SETBP1: variants seen among roughly 807,000 people sequenced by gnomAD.
SETBP1 encodes the protein SET-binding protein.
Under a neutral mutation model 101.0 loss-of-function variants are expected in SETBP1, and 9 were observed. That is an observed-to-expected ratio of 0.09 (90% CI 0.05 to 0.16). The LOEUF is 0.16. Among genes scored for constraint, SETBP1 ranks in the 10% least tolerant of loss-of-function variants. The pLI is 1.00. For missense variants in SETBP1, 1,858 were observed against 2,033.8 expected, an observed-to-expected ratio of 0.91 and a Z score of 1.66; for synonymous variants, 818 against 788.5, an observed-to-expected ratio of 1.04 and a Z score of -0.63.
chr18:44,850,765 T>G (rs548747560), intron 2 of SETBP1, among the ~76,000 whole-genome samples: 2 of 152,356 alleles, frequency 1.3e-5, no homozygotes, highest in African/African-American at 4.8e-5. Flanking sequence ...CCTGGCTTCT[T>G]GGTTCCCCAA....
chr18:44,794,959 G>A (rs1356468603), intron 2 of SETBP1, among the ~76,000 whole-genome samples: 1 of 152,172 alleles, frequency 6.6e-6, no homozygotes, highest in Non-Finnish European at 1.5e-5. Context: ...ATGCGGTGGA[G>A]GATCAAGGCT....
At chr18:44,853,504 G>A (rs1222401713) in intron 2 of SETBP1, among the ~76,000 whole-genome samples, 1 of 152,118 alleles carries the variant, frequency 6.6e-6, no homozygotes, top group Non-Finnish European at 1.5e-5. Flanking sequence ...ATCCCTATGA[G>A]GTAGCTAATG....
At position 44,859,054 on chromosome 18, in the gene SETBP1, AGAAG is replaced by A. The variant is rs906531652; in HGVS notation, c.487-10161_487-10158del. 2.6e-5 allele frequency among the ~76,000 whole-genome samples: 4 copies of A among 151,194 alleles called. No homozygotes were observed. The East Asian group carries it at 5.9e-4, about 22-fold the overall frequency. Reference sequence around the variant, plus strand: ...AGGAAGGAAGAGAGGAAAGAAGGAAAGAAGGAAGGAAGGAAGGATTGGGGGAAGG... The same window carrying A: ...AGGAAGGAAGAGAGGAAAGAAGGAAAGAAGGAAGGAAGGATTGGGGGAAGG... On this transcript the variant is annotated intron_variant, in intron 2 of 5. Transcript: ENST00000649279.
At position 44,953,459 on chromosome 18, in the gene SETBP1, A is replaced by G. The variant is rs1446750683; in HGVS notation, c.4000+119A>G. 5 of 854,278 alleles carry G rather than the reference A, an allele frequency of 5.9e-6. No individual in the cohort carries two copies. The East Asian group carries it at 1.3e-4, about 23-fold the overall frequency. 52.9% of individuals were successfully genotyped at this position (854,278 alleles called of 1,614,324 possible). A position where few individuals can be genotyped will look rare whatever the true frequency, so the allele number is the denominator to read the frequency against. ...TTTGCAAAGAGGTGGGAATCAAATT[A>G]AAATGGGTCTCCTTGCACATTTGAG... On this transcript the variant is annotated intron_variant, in intron 4 of 5. Transcript: ENST00000649279.
chr18:45,027,532 A>T (rs1206109252), intron 4 of SETBP1, among the ~76,000 whole-genome samples: 2 of 152,218 alleles, frequency 1.3e-5, no homozygotes, highest in African/African-American at 4.8e-5. Flanking sequence ...TGCTAGCAAG[A>T]TATAGGAAAA....
intron 2 of SETBP1, among the ~76,000 whole-genome samples, chr18:44,745,055 G>A (rs1330476436): frequency 6.6e-6 from 1 of 152,134 alleles, no homozygotes; most frequent in African/African-American, 2.4e-5. Context: ...CCACGGAAGA[G>A]GCTCATTTCA....
chr18:45,015,286 C>T (rs2072919065), intron 4 of SETBP1, among the ~76,000 whole-genome samples: 1 of 152,164 alleles, frequency 6.6e-6, no homozygotes, highest in South Asian at 2.1e-4. Context: ...GTTGTTCCAC[C>T]AGGTGAGGTG....
Position 44,876,769 on chromosome 18 carries a change from G to T in SETBP1, c.540+7486G>T, listed in dbSNP as rs749200684. 17 of 1,501,834 alleles carry T rather than the reference G, an allele frequency of 1.1e-5. No homozygotes were observed. In the South Asian group the frequency reaches 2.0e-4, roughly 18 times the overall value. 93.0% of individuals were successfully genotyped at this position (1,501,834 alleles called of 1,614,324 possible). A position where few individuals can be genotyped will look rare whatever the true frequency, so the allele number is the denominator to read the frequency against. ...AGAAGTATAACTTCGCATGGATTCT[G>T]CAAAGCCCACACCTGTGGTCATTCC... On this transcript the variant is annotated intron_variant, in intron 3 of 5. Coordinates refer to ENST00000649279, the MANE Select transcript of SETBP1 (RefSeq NM_015559.3).
At chr18:44,746,711 T>A (rs1434363602) in intron 2 of SETBP1, among the ~76,000 whole-genome samples, 1 of 152,204 alleles carries the variant, frequency 6.6e-6, no homozygotes, top group Non-Finnish European at 1.5e-5. Context: ...AGTTTAGAAA[T>A]AATCATTTAT....
At chr18:44,841,143 G>T (rs1295398294) in intron 2 of SETBP1, among the ~76,000 whole-genome samples, 1 of 152,154 alleles carries the variant, frequency 6.6e-6, no homozygotes, top group Non-Finnish European at 1.5e-5. Context: ...CCGGCTCATG[G>T]TCTCATGAAG....
At chr18:44,761,801 C>T (rs1044146353) in intron 2 of SETBP1, among the ~76,000 whole-genome samples, 1 of 152,180 alleles carries the variant, frequency 6.6e-6, no homozygotes, top group African/African-American at 2.4e-5. Flanking sequence ...TTAGGCAGAA[C>T]AATTGTTTTT....
At chr18:45,062,652 C>G (rs2073907680) in intron 5 of SETBP1, among the ~76,000 whole-genome samples, 1 of 152,114 alleles carries the variant, frequency 6.6e-6, no homozygotes, top group African/African-American at 2.4e-5. Context: ...TAATCCTTTG[C>G]TAAATTGAAT....
chr18:44,830,281 A>T (rs1166485257), intron 2 of SETBP1, among the ~76,000 whole-genome samples: 1 of 152,222 alleles, frequency 6.6e-6, no homozygotes, highest in Non-Finnish European at 1.5e-5. Flanking sequence ...AAGGACCAGC[A>T]TTTTACTGAA....
chr18:44,726,360 TA>T (rs2069706663), intron 2 of SETBP1, among the ~76,000 whole-genome samples: 1 of 152,198 alleles, frequency 6.6e-6, no homozygotes. Context: ...TAATAATACT[TA>T]TCTCTTGAGT....
chr18:44,893,760 G>A (rs757564036), intron 3 of SETBP1, among the ~76,000 whole-genome samples: 1 of 152,114 alleles, frequency 6.6e-6, no homozygotes. Context: ...ACATCATACA[G>A]AGTAAGTGCA....
intron 2 of SETBP1, among the ~76,000 whole-genome samples, chr18:44,828,173 A>G (rs1040428121): frequency 6.7e-6 from 1 of 149,734 alleles, no homozygotes; most frequent in Non-Finnish European, 1.5e-5. Context: ...TCACTGGTTT[A>G]AAAAAAAAAG....
chr18:44,921,648 C>T (rs145343061), intron 3 of SETBP1, among the ~76,000 whole-genome samples: 3 of 152,206 alleles, frequency 2.0e-5, no homozygotes, highest in East Asian at 1.9e-4. Context: ...CTTGGATCTG[C>T]GCTAAATGTT....
At chr18:44,796,066 C>T (rs2071470662) in intron 2 of SETBP1, among the ~76,000 whole-genome samples, 1 of 152,300 alleles carries the variant, frequency 6.6e-6, no homozygotes, top group African/African-American at 2.4e-5. Flanking sequence ...TGGGATACGA[C>T]ATAATCAAGC....
intron 2 of SETBP1, among the ~76,000 whole-genome samples, chr18:44,771,273 A>C (rs1389568968): frequency 2.7e-5 from 4 of 147,288 alleles, no homozygotes; most frequent in African/African-American, 1.0e-4. Flanking sequence ...GGACTTCTGC[A>C]ATTAAGTGTC....
Sources: allele counts gnomAD v4.1 joint callset (sites outside exome capture counted in the v4.1 genomes callset), GRCh38; gene constraint gnomAD v4.1.1; transcripts MANE v1.5; gene names NCBI Gene and HGNC (gene_info 2026-07-23, HGNC 2026-07-21).